CLIC6: variants seen among roughly 807,000 people sequenced by gnomAD.
The protein encoded by CLIC6 is chloride intracellular channel protein 6.
A neutral mutation model predicts 49.2 loss-of-function variants in CLIC6; 39 were observed. The ratio of observed to expected loss-of-function variants is 0.79; its 90% CI spans 0.61 to 1.04. The LOEUF is 1.04. CLIC6 is among the 50% of genes least tolerant of loss of function. The pLI, the probability that CLIC6 is intolerant of heterozygous loss-of-function variation, is 0.00. For synonymous variants in CLIC6, 446 were observed against 433.4 expected (o/e 1.03, Z -0.36); for missense variants, 988 against 993.1 (o/e 0.99, Z 0.07).
At position 34,669,446 on chromosome 21, in the gene CLIC6, G is replaced by A. The variant is rs935066419; in HGVS notation, c.58G>A (p.Val20Ile). 6.8e-5 allele frequency: 84 copies of A among 1,234,114 alleles called. No homozygotes were observed. Among genetic ancestry groups the A allele is most frequent in the Admixed American group, 1.3e-4 (3 of 23,708 alleles). The allele number at this position is 1,234,114 out of a possible 1,614,324, so 76.4% of individuals were successfully genotyped here. The stretch of plus-strand genomic sequence containing the variant: ...CCCGGGTCCCCAGGGGCCGCCGGAG[G>A]TCCCCGCGCCTCTGGCTGAGAGACC... ...VAPGPQGPPE[V>I]PAPLAERPGE... Residue 20 changes from valine to isoleucine, a missense_variant, in exon 1 of 6, where the codon GTC becomes ATC. Val to Ile is a conservative substitution (Grantham distance 29, BLOSUM62 3). Coordinates refer to ENST00000349499, the MANE Select transcript of CLIC6 (RefSeq NM_053277.3).
At position 34,670,220 on chromosome 21, in the gene CLIC6, G is replaced by A. The variant is rs920915557; in HGVS notation, c.832G>A (p.Asp278Asn). 7.1e-7 allele frequency: 1 copy of A among 1,418,192 alleles called. No homozygotes were observed. Among genetic ancestry groups the A allele is most frequent in the Non-Finnish European group, 9.1e-7 (1 of 1,094,200 alleles). The allele number at this position is 1,418,192 out of a possible 1,614,324, so 87.9% of individuals were successfully genotyped here. The change falls in exon 1 of 6, where the codon GAC becomes AAC. Residue 278 changes from aspartate to asparagine, a missense_variant. Physicochemically the swap from Asp to Asn is conservative, Grantham distance 23. This residue lies in a region of CLIC6 where 647 missense variants were observed against 596.9 expected (regional missense o/e 1.08). Coordinates refer to ENST00000349499, the MANE Select transcript of CLIC6 (RefSeq NM_053277.3). ...DSVEAEGPAG[D>N]SMDAEGPAGR... ...CGTAGAAGCCGAAGGCCCGGCGGGG[G>A]ACAGCATGGACGCCGAGGGTCCGGC... is the stretch of plus-strand genomic sequence containing the variant.
intron 5 of CLIC6, 84 bp downstream of exon 5, chr21:34,709,622 A>G: frequency 8.2e-7 from 1 of 1,223,662 alleles, no homozygotes; most frequent in Non-Finnish European, 1.2e-6. Context: ...TGGGCCAGAC[A>G]TTTAAACAGT....
intron 1 of CLIC6, among the ~76,000 whole-genome samples, chr21:34,673,424 A>G (rs555389083): frequency 6.6e-6 from 1 of 152,192 alleles, no homozygotes; most frequent in South Asian, 2.1e-4. Flanking sequence ...TGAGTCGCTG[A>G]GACTACAGGC....
Position 34,670,692 on chromosome 21 carries a change from G to A in CLIC6, c.1304G>A (p.Arg435His). The A allele has an allele frequency of 6.3e-7, 1 of 1,583,316 alleles. No homozygotes were observed. Among genetic ancestry groups the A allele is most frequent in the South Asian group, 1.1e-5 (1 of 87,824 alleles). The change falls in exon 1 of 6, where the codon CGC (arginine) becomes CAC (histidine). Residue 435 changes from arginine (R) to histidine (H), a missense_variant. By Grantham distance (29) the Arg-to-His change is conservative. This residue lies in a region of CLIC6 where 647 missense variants were observed against 596.9 expected (regional missense o/e 1.08). Coordinates refer to ENST00000349499, the MANE Select transcript of CLIC6 (RefSeq NM_053277.3). Reference sequence around the variant, plus strand: ...GGCGAGGCCGCGCGCGTGAACGGCCGCCGGGAGGACGGAGAGGCGTCCGAG... The same window carrying A: ...GGCGAGGCCGCGCGCGTGAACGGCCACCGGGAGGACGGAGAGGCGTCCGAG... Reference protein sequence around the residue: ...GSGEAARVNGRREDGEASEPR... With the variant: ...GSGEAARVNGHREDGEASEPR...
In CLIC6 at chr21:34,715,823, G is replaced by A. The variant is rs964534328; in HGVS notation, c.1900-498G>A. Among the ~76,000 whole-genome samples, 13 of 152,190 alleles carry A rather than the reference G, an allele frequency of 8.5e-5. 1 individual carries two copies. Among genetic ancestry groups the A allele is most frequent in the Non-Finnish European group, 2.9e-5 (2 of 68,030 alleles). On this transcript the variant is annotated intron_variant, in intron 5 of 5. Coordinates refer to ENST00000349499, the MANE Select transcript of CLIC6 (RefSeq NM_053277.3). The stretch of plus-strand genomic sequence containing the variant: ...GCACAGGCGGGCCCCACGATCAGAC[G>A]ATGCTCTTAGTGGCAGCATGATGGC...
chr21:34,669,543 G>A lies in CLIC6; in HGVS notation c.155G>A (p.Arg52Lys), dbSNP rs749835973. 9.6e-5 allele frequency: 119 copies of A among 1,245,164 alleles called. No individual in the cohort carries two copies. The highest frequency in any genetic ancestry group is 1.2e-4 in the Non-Finnish European group (115 of 996,650). The allele number at this position is 1,245,164 out of a possible 1,614,324, so 77.1% of individuals were successfully genotyped here. ...AGCGAGGGCGCAGAGGAGGCGCCGA[G>A]GGGCGCCGCCGCTGTGAAGGAGGCA... is the stretch of plus-strand genomic sequence containing the variant. ...EGSEGAEEAP[R>K]GAAAVKEAGG... Residue 52 changes from arginine to lysine, a missense_variant, in exon 1 of 6, where the codon AGG becomes AAG. Arg to Lys is a conservative substitution (Grantham distance 26). Around this residue, in one of 3 missense-constraint regions of CLIC6, gnomAD observed 284 missense variants for 278.6 expected, o/e 1.02. Coordinates refer to ENST00000349499, the MANE Select transcript of CLIC6 (RefSeq NM_053277.3).
chr21:34,695,592 AG>A (rs1990075375), intron 1 of CLIC6, among the ~76,000 whole-genome samples: 1 of 152,190 alleles, frequency 6.6e-6, no homozygotes, highest in Non-Finnish European at 1.5e-5. Flanking sequence ...CTATTTGGAA[AG>A]TCAGTTTGTG....
At chr21:34,714,700 A>C (rs77356342) in intron 5 of CLIC6, among the ~76,000 whole-genome samples, 788 of 59,452 alleles carry the variant, frequency 0.013, 6 homozygotes, top group South Asian at 0.019. Context: ...AACAAAAAAA[A>C]AAAAAAAAAA....
At chr21:34,673,313 A>G (rs1236570488) in intron 1 of CLIC6, among the ~76,000 whole-genome samples, 1 of 151,760 alleles carries the variant, frequency 6.6e-6, no homozygotes, top group Non-Finnish European at 1.5e-5. Context: ...TAATTGAGAC[A>G]GGTTCTTGCT....
chr21:34,670,755 T>C lies in CLIC6; in HGVS notation c.1367T>C (p.Phe456Ser), dbSNP rs762025769. Residue 456 changes from phenylalanine (F) to serine (S), a missense_variant, in exon 1 of 6, where the codon TTC becomes TCC. Coordinates refer to ENST00000349499, the MANE Select transcript of CLIC6 (RefSeq NM_053277.3). ...GGGCAGGAGCACGACATCACCCTCTTCGTCAAGGTAAAGCTCGCTTCCCTC... is the reference window on the plus strand; with the variant it reads ...GGGCAGGAGCACGACATCACCCTCTCCGTCAAGGTAAAGCTCGCTTCCCTC... ...ALGQEHDITL[F>S]VKAGYDGESI... 1 of 1,599,218 alleles carries C rather than the reference T, an allele frequency of 6.3e-7. No individual in the cohort carries two copies. Among genetic ancestry groups the C allele is most frequent in the Non-Finnish European group, 8.5e-7 (1 of 1,177,762 alleles).
At chr21:34,701,287 C>A (rs905791318) in intron 1 of CLIC6, among the ~76,000 whole-genome samples, 1 of 113,008 alleles carries the variant, frequency 8.8e-6, no homozygotes, top group African/African-American at 3.9e-5. Context: ...CCGGCCTGGG[C>A]GACAGAGCGA....
chr21:34,712,721 T>C (rs191938298), intron 5 of CLIC6, among the ~76,000 whole-genome samples: 6 of 152,262 alleles, frequency 3.9e-5, no homozygotes, highest in East Asian at 1.9e-4. Flanking sequence ...GCATTTTGCA[T>C]TGTGACTGCT....
chr21:34,669,541 G>A lies in CLIC6; in HGVS notation c.153G>A (p.Pro51=). The change falls in exon 1 of 6, where the codon CCG becomes CCA. Residue 51 remains proline (P), a synonymous_variant. Coordinates refer to ENST00000349499, the MANE Select transcript of CLIC6 (RefSeq NM_053277.3). ...PEGSEGAEEA[P]RGAAAVKEAG... ...GGAGCGAGGGCGCAGAGGAGGCGCCGAGGGGCGCCGCCGCTGTGAAGGAGG... is the reference window on the plus strand; with the variant it reads ...GGAGCGAGGGCGCAGAGGAGGCGCCAAGGGGCGCCGCCGCTGTGAAGGAGG... The A allele has an allele frequency of 8.0e-6, 10 of 1,244,972 alleles. No individual in the cohort carries two copies. The highest frequency in any genetic ancestry group is 1.0e-5 in the Non-Finnish European group (10 of 996,410). The allele number at this position is 1,244,972 out of a possible 1,614,324, so 77.1% of individuals were successfully genotyped here. A position where few individuals can be genotyped will look rare whatever the true frequency, so the allele number is the denominator to read the frequency against.
At chr21:34,690,364 A>G (rs1456844286) in intron 1 of CLIC6, among the ~76,000 whole-genome samples, 1 of 152,188 alleles carries the variant, frequency 6.6e-6, no homozygotes, top group Non-Finnish European at 1.5e-5. Context: ...TTATTGTAAA[A>G]TATTTGCAAG....
chr21:34,683,130 A>G (rs911233585), intron 1 of CLIC6, among the ~76,000 whole-genome samples: 1 of 152,056 alleles, frequency 6.6e-6, no homozygotes, highest in African/African-American at 2.4e-5. Flanking sequence ...TCTATTTTTA[A>G]TTAACAGGTA....
At chr21:34,715,393 A>C (rs1210222349) in intron 5 of CLIC6, among the ~76,000 whole-genome samples, 2 of 152,220 alleles carry the variant, frequency 1.3e-5, no homozygotes. Context: ...ATTTGGAAAG[A>C]GAGACACAGG....
At chr21:34,692,400 G>A (rs1990012078) in intron 1 of CLIC6, among the ~76,000 whole-genome samples, 1 of 152,150 alleles carries the variant, frequency 6.6e-6, no homozygotes, top group African/African-American at 2.4e-5. Context: ...AAGGCTGGTG[G>A]GGGCATTTGT....
chr21:34,696,231 G>A (rs918029734), intron 1 of CLIC6, among the ~76,000 whole-genome samples: 3 of 152,140 alleles, frequency 2.0e-5, no homozygotes, highest in African/African-American at 7.2e-5. Context: ...CAGGGCTGCC[G>A]AATGTTTTCT....
intron 1 of CLIC6, among the ~76,000 whole-genome samples, chr21:34,673,673 AT>A (rs1568956264): frequency 6.6e-6 from 1 of 152,198 alleles, no homozygotes; most frequent in African/African-American, 2.4e-5. Context: ...TATCCTACCA[AT>A]TATGCTCTTT....
Sources: gnomAD v4.1 joint callset for allele counts (sites outside exome capture counted in the v4.1 genomes callset) on GRCh38, gnomAD v4.1.1 for gene constraint, gnomAD v4.1.1 regional missense constraint, MANE v1.5 for transcripts, NCBI Gene and HGNC (gene_info 2026-07-23, HGNC 2026-07-21) for gene names.